CWC25: variants seen among roughly 807,000 people sequenced by gnomAD.
CWC25 encodes pre-mRNA-splicing factor CWC25 homolog.
In CWC25, 31 loss-of-function variants were observed where a neutral mutation model predicts 54.6. The observed-to-expected ratio is 0.57, with a 90% CI of 0.43 to 0.77. The LOEUF (loss-of-function observed/expected upper bound fraction) is 0.77. Among genes scored for constraint, CWC25 ranks in the 30% least tolerant of loss-of-function variants. The pLI, the probability that CWC25 is intolerant of heterozygous loss-of-function variation, is 0.00. For missense variants in CWC25, 453 were observed against 529.3 expected (o/e 0.86, Z 1.41); for synonymous variants, 151 against 187.0 (o/e 0.81, Z 1.57).
intron 1 of CWC25, among the ~76,000 whole-genome samples, chr17:38,824,623 T>C (rs1015418746): frequency 5.3e-5 from 8 of 151,272 alleles, no homozygotes; most frequent in African/African-American, 1.7e-4. Context: ...GAGGGAAAGG[T>C]TGCGGTCAGC....
chr17:38,804,535 T>C (rs1190899943), intron 8 of CWC25, among the ~76,000 whole-genome samples: 2 of 151,910 alleles, frequency 1.3e-5, no homozygotes, highest in African/African-American at 4.8e-5. Context: ...GGCCAGGTGC[T>C]GTGGCTCATG....
chr17:38,815,127 T>C lies in CWC25; in HGVS notation c.192-30A>G, dbSNP rs1349800492. ...TTCAAGGGAAGAAAAAGAAATACAA[T>C]TTCTTTAAAAAGCAGACTTCTGCAA... is the stretch of plus-strand genomic sequence containing the variant. On this transcript the variant is annotated intron_variant, in intron 2 of 9. Coordinates refer to ENST00000614790, the MANE Select transcript of CWC25 (RefSeq NM_017748.5). The C allele has an allele frequency of 3.8e-6, 6 of 1,592,924 alleles. No individual in the cohort carries two copies. The Admixed American group carries it at 8.7e-5, about 23-fold the overall frequency.
At chr17:38,825,024 A>C in intron 1 of CWC25, 142 bp downstream of exon 1, 1 of 693,894 alleles carries the variant, frequency 1.4e-6, no homozygotes. Context: ...CTAAGGATCC[A>C]TCCCCTCTTC....
intron 8 of CWC25, among the ~76,000 whole-genome samples, chr17:38,803,077 A>C (rs999881437): frequency 6.6e-6 from 1 of 152,170 alleles, no homozygotes; most frequent in African/African-American, 2.4e-5. Context: ...TCACTCAGTA[A>C]TCTCTAGAGT....
chr17:38,809,686 A>C lies in CWC25; in HGVS notation c.690+16T>G. On this transcript the variant is annotated intron_variant, in intron 6 of 9. Coordinates refer to ENST00000614790, the MANE Select transcript of CWC25 (RefSeq NM_017748.5). Reference sequence around the variant, plus strand: ...CAGTCCCACAGTCACTCCTTTCAAGAAGCCCACATCCCTACCTGTAAGCCA... The same window carrying C: ...CAGTCCCACAGTCACTCCTTTCAAGCAGCCCACATCCCTACCTGTAAGCCA... 6.2e-7 allele frequency: 1 copy of C among 1,612,870 alleles called. No individual in the cohort carries two copies. Among genetic ancestry groups the C allele is most frequent in the Non-Finnish European group, 8.5e-7 (1 of 1,179,288 alleles).
Position 38,806,312 on chromosome 17 carries a change from G to A in CWC25, c.986C>T (p.Ala329Val), listed in dbSNP as rs1205023438. 6.2e-6 allele frequency: 10 copies of A among 1,612,048 alleles called. No individual in the cohort carries two copies. In the African/African-American group the frequency reaches 1.1e-4, roughly 17 times the overall value. ...CCTGACTCACCTGGTGTATCCGGGAGCATGTCGCCTTTGGTAGACCTCTTT... is the reference window on the plus strand; with the variant it reads ...CCTGACTCACCTGGTGTATCCGGGAACATGTCGCCTTTGGTAGACCTCTTT... ...PKKEVYQRRHAPGYTRKLSAE... is the reference protein window; with the variant it reads ...PKKEVYQRRHVPGYTRKLSAE... Residue 329 changes from alanine to valine, a missense_variant, in exon 8 of 10, where the codon GCT becomes GTT. Ala to Val is a moderately conservative substitution (Grantham distance 64, BLOSUM62 0). This residue lies in a region of CWC25 where 444 missense variants were observed against 499.2 expected (regional missense o/e 0.89). Transcript: ENST00000614790.
At position 38,809,721 on chromosome 17, in the gene CWC25, A is replaced by T; in HGVS notation, c.671T>A (p.Val224Asp). 6.2e-7 allele frequency: 1 copy of T among 1,613,922 alleles called. No individual in the cohort carries two copies. Among genetic ancestry groups the T allele is most frequent in the South Asian group, 1.1e-5 (1 of 91,072 alleles). The change falls in exon 6 of 10, where the codon GTC becomes GAC. Residue 224 changes from valine (V) to aspartate (D), a missense_variant. Physicochemically the swap from Val to Asp is radical, Grantham distance 152 (BLOSUM62 -3). Coordinates refer to ENST00000614790, the MANE Select transcript of CWC25 (RefSeq NM_017748.5). ...MANSSPVLSK[V>D]PGYGLQVRNS... ...CCCTACCTGTAAGCCATATCCAGGG[A>T]CTTTGGACAAAACAGGGGAGGAATT...
intron 8 of CWC25, 105 bp downstream of exon 8, chr17:38,806,192 T>G: frequency 1.1e-6 from 1 of 944,048 alleles, no homozygotes; most frequent in East Asian, 2.6e-5. Context: ...AAATAAAAGT[T>G]GGTTCGTCGA....
chr17:38,819,492 G>A (rs1177218442), intron 2 of CWC25, among the ~76,000 whole-genome samples: 6 of 151,042 alleles, frequency 4.0e-5, no homozygotes, highest in Admixed American at 3.3e-4. Flanking sequence ...TTAGCTTCCC[G>A]AGTAGCTAGG....
At chr17:38,818,448 C>T (rs1377475799) in intron 2 of CWC25, among the ~76,000 whole-genome samples, 3 of 150,938 alleles carry the variant, frequency 2.0e-5, no homozygotes, top group South Asian at 4.2e-4. Flanking sequence ...AAAAATTAGC[C>T]GGGCGTGGTG....
intron 8 of CWC25, among the ~76,000 whole-genome samples, chr17:38,804,001 C>T (rs1329049318): frequency 4.6e-5 from 7 of 152,056 alleles, no homozygotes; most frequent in South Asian, 2.1e-4. Context: ...GCCATGATCG[C>T]CCCACTGCAC....
At chr17:38,811,938 C>G (rs912930509) in intron 4 of CWC25, among the ~76,000 whole-genome samples, 4 of 151,086 alleles carry the variant, frequency 2.6e-5, no homozygotes, top group African/African-American at 9.8e-5. Flanking sequence ...GCCCTAGAAG[C>G]CTTATTTTTT....
Position 38,802,729 on chromosome 17 carries a change from C to T in CWC25, c.1134G>A (p.Lys378=). The stretch of plus-strand genomic sequence containing the variant: ...TGAACTTCCCATCCCGGGAGTCCAG[C>T]TTCTCTAGCCTCTGCTCCCGTTCCT... ...KDEEREQRLE[K]LDSRDGKFIH... Residue 378 remains lysine, a synonymous_variant, in exon 9 of 10, where the codon AAG becomes AAA. Coordinates refer to ENST00000614790, the MANE Select transcript of CWC25 (RefSeq NM_017748.5). 1.9e-6 allele frequency: 3 copies of T among 1,614,022 alleles called. No homozygotes were observed. The highest frequency in any genetic ancestry group is 2.5e-6 in the Non-Finnish European group (3 of 1,179,888).
intron 1 of CWC25, among the ~76,000 whole-genome samples, chr17:38,822,365 G>T (rs1911959641): frequency 1.3e-5 from 2 of 152,004 alleles, no homozygotes; most frequent in African/African-American, 4.8e-5. Flanking sequence ...GCCTGGCATG[G>T]ACATTCATTC....
chr17:38,809,609 G>A, intron 6 of CWC25, 93 bp downstream of exon 6: 1 of 1,199,772 alleles, frequency 8.3e-7, no homozygotes, highest in Non-Finnish European at 1.2e-6. Flanking sequence ...CAGCAGCCCA[G>A]GCTTCACTGC....
intron 8 of CWC25, 85 bp from the exon 9 acceptor site, chr17:38,802,946 C>A: frequency 1.3e-6 from 2 of 1,514,272 alleles, no homozygotes; most frequent in South Asian, 1.2e-5. Flanking sequence ...CCAGGTGGGA[C>A]CCCAAGCTCT....
Position 38,808,107 on chromosome 17 carries a change from G to T in CWC25, c.691-1131C>A, listed in dbSNP as rs1369905292. ...AGAAAAGAATATACCTGGCTTGGCTGGGTGCAGTGGCTCACGCCTGTAATC... is the reference window on the plus strand; with the variant it reads ...AGAAAAGAATATACCTGGCTTGGCTTGGTGCAGTGGCTCACGCCTGTAATC... On this transcript the variant is annotated intron_variant, in intron 6 of 9. Coordinates refer to ENST00000614790, the MANE Select transcript of CWC25 (RefSeq NM_017748.5). Among the ~76,000 whole-genome samples the T allele has an allele frequency of 1.5e-5, 2 of 137,192 alleles. 1 individual carries two copies. Among genetic ancestry groups the T allele is most frequent in the East Asian group, 4.3e-4 (2 of 4,620 alleles). 90.0% of individuals were successfully genotyped at this position (137,192 alleles called of 152,430 possible).
chr17:38,802,809 C>T lies in CWC25; in HGVS notation c.1054G>A (p.Ala352Thr), dbSNP rs747411602. ...AGTCTCTCCTCCTCCCTCCATTTGGCGTTTTCCATCATCTCTTGCCGTTTT... is the reference window on the plus strand; with the variant it reads ...AGTCTCTCCTCCTCCCTCCATTTGGTGTTTTCCATCATCTCTTGCCGTTTT... The part of the protein sequence containing the change: ...ERKRQEMMEN[A>T]KWREEERLNI... The change falls in exon 9 of 10, where the codon GCC becomes ACC. Residue 352 changes from alanine to threonine, a missense_variant. Coordinates refer to ENST00000614790, the MANE Select transcript of CWC25 (RefSeq NM_017748.5). 1.5e-5 allele frequency: 25 copies of T among 1,614,014 alleles called. 1 individual carries two copies. The South Asian group carries it at 1.6e-4, about 11-fold the overall frequency.
chr17:38,815,612 A>G, intron 2 of CWC25: 2 of 1,074,574 alleles, frequency 1.9e-6, no homozygotes, highest in Non-Finnish European at 2.5e-6. Flanking sequence ...ATGGAGAGAG[A>G]ATATTCACTC....
Sources: gnomAD v4.1 joint callset for allele counts (sites outside exome capture counted in the v4.1 genomes callset) on GRCh38, gnomAD v4.1.1 for gene constraint, gnomAD v4.1.1 regional missense constraint, MANE v1.5 for transcripts, NCBI Gene and HGNC (gene_info 2026-07-23, HGNC 2026-07-21) for gene names.